The following MYRIP variants were observed in gnomAD, a reference collection of about 807,000 sequenced individuals.
The protein encoded by MYRIP is rab effector MyRIP.
A neutral mutation model predicts 98.0 loss-of-function variants in MYRIP; 49 were observed. That is an observed-to-expected ratio of 0.50 (90% CI 0.40 to 0.63). The LOEUF (loss-of-function observed/expected upper bound fraction) is 0.63. MYRIP is among the 30% of genes least tolerant of loss of function. MYRIP has a pLI of 0.00. For missense variants in MYRIP, 1,004 were observed against 1,058.2 expected (o/e 0.95, Z 0.71); for synonymous variants, 404 against 409.5 (o/e 0.99, Z 0.16).
At chr3:40,174,011 A>T (rs1950689213) in intron 8 of MYRIP, 1 of 152,210 alleles carries the variant, frequency 6.6e-6, no homozygotes, top group African/African-American at 2.4e-5. Context: ...TGAATGTAAC[A>T]TATGTTTTGA....
At chr3:39,846,001 AG>A (rs1220613407) in intron 1 of MYRIP, among the ~76,000 whole-genome samples, 7 of 152,220 alleles carry the variant, frequency 4.6e-5, no homozygotes, top group African/African-American at 1.7e-4. Flanking sequence ...TAGAACTTGC[AG>A]ATCAAATATA....
chr3:40,165,914 C>T (rs937056713), intron 5 of MYRIP, among the ~76,000 whole-genome samples: 1 of 151,970 alleles, frequency 6.6e-6, no homozygotes, highest in Non-Finnish European at 1.5e-5. Flanking sequence ...AATTGGAATC[C>T]AGCTGGATTC....
At chr3:40,162,652 A>T in intron 4 of MYRIP, 78 bp from the exon 5 acceptor site, 1 of 1,280,458 alleles carries the variant, frequency 7.8e-7, no homozygotes, top group East Asian at 2.3e-5. Flanking sequence ...CTGCCAGTTC[A>T]GTGACACAGT....
In MYRIP at chr3:40,167,068, C is replaced by T; in HGVS notation, c.649-91C>T. 3 of 1,418,068 alleles carry T rather than the reference C, an allele frequency of 2.1e-6. No homozygotes were observed. In the South Asian group the frequency reaches 3.5e-5, roughly 16 times the overall value. 87.8% of individuals were successfully genotyped at this position (1,418,068 alleles called of 1,614,324 possible). Reference sequence around the variant, plus strand: ...CTCTGACTAGAGCAAGGCCCTCCCTCTGCTTTTGTGGTCAGGACTCTCCTG... The same window carrying T: ...CTCTGACTAGAGCAAGGCCCTCCCTTTGCTTTTGTGGTCAGGACTCTCCTG... On this transcript the variant is annotated intron_variant, in intron 6 of 16. Coordinates refer to ENST00000302541, the MANE Select transcript of MYRIP (RefSeq NM_015460.4).
At chr3:40,033,929 C>A (rs1016667848) in intron 2 of MYRIP, among the ~76,000 whole-genome samples, 2 of 152,056 alleles carry the variant, frequency 1.3e-5, no homozygotes, top group African/African-American at 4.8e-5. Context: ...ATATCTACAA[C>A]TATCTGATCT....
chr3:40,188,385 A>G (rs1214131805), intron 9 of MYRIP, among the ~76,000 whole-genome samples: 2 of 152,020 alleles, frequency 1.3e-5, no homozygotes, highest in Non-Finnish European at 2.9e-5. Context: ...GCCCCAAAGC[A>G]GATGTCCACA....
At chr3:40,037,297 G>A (rs1017061562) in intron 2 of MYRIP, among the ~76,000 whole-genome samples, 2 of 152,028 alleles carry the variant, frequency 1.3e-5, no homozygotes, top group Non-Finnish European at 2.9e-5. Flanking sequence ...TACACTGTCA[G>A]GGTAAAATTG....
At chr3:39,878,486 T>A (rs1159462615) in intron 1 of MYRIP, among the ~76,000 whole-genome samples, 3 of 152,152 alleles carry the variant, frequency 2.0e-5, no homozygotes, top group African/African-American at 7.2e-5. Context: ...TCGGCCATCT[T>A]AGGTCTGATT....
chr3:39,898,166 A>G (rs1943658896), intron 1 of MYRIP, among the ~76,000 whole-genome samples: 1 of 152,154 alleles, frequency 6.6e-6, no homozygotes, highest in Non-Finnish European at 1.5e-5. Context: ...ACTGAAACCT[A>G]GTGCAAGTAC....
At chr3:40,226,413 C>T (rs370054244) in intron 11 of MYRIP, among the ~76,000 whole-genome samples, 29 of 152,272 alleles carry the variant, frequency 1.9e-4, no homozygotes, top group East Asian at 1.4e-3. Context: ...ACCTTATATG[C>T]TTTTATCCCT....
chr3:39,831,826 C>T (rs1315802355), intron 1 of MYRIP, among the ~76,000 whole-genome samples: 1 of 152,186 alleles, frequency 6.6e-6, no homozygotes, highest in Middle Eastern at 3.2e-3. Flanking sequence ...TCAATAGCCA[C>T]CTATGGCTGG....
chr3:39,965,128 T>C (rs914294149), intron 2 of MYRIP, among the ~76,000 whole-genome samples: 3 of 152,082 alleles, frequency 2.0e-5, no homozygotes, highest in Non-Finnish European at 4.4e-5. Context: ...CCATAAATTT[T>C]CACAAATGCA....
intron 2 of MYRIP, among the ~76,000 whole-genome samples, chr3:40,037,808 C>A (rs564570990): frequency 6.6e-6 from 1 of 152,062 alleles, no homozygotes; most frequent in Non-Finnish European, 1.5e-5. Context: ...TGCCTACCCC[C>A]CTTCCTGTTT....
intron 2 of MYRIP, among the ~76,000 whole-genome samples, chr3:39,952,019 A>G (rs1400715881): frequency 6.6e-6 from 1 of 152,138 alleles, no homozygotes; most frequent in Non-Finnish European, 1.5e-5. Context: ...TATTTTCACT[A>G]TCCTCAAAAG....
chr3:40,161,078 A>T (rs749797691), intron 4 of MYRIP, among the ~76,000 whole-genome samples: 53 of 152,274 alleles, frequency 3.5e-4, no homozygotes, highest in African/African-American at 1.2e-3. Flanking sequence ...CTGTTGCTTC[A>T]TCTGGGATTT....
In MYRIP at chr3:40,234,032, G is replaced by C. The variant is rs749797124; in HGVS notation, c.2079G>C (p.Gln693His). The C allele has an allele frequency of 2.5e-6, 4 of 1,604,646 alleles. No individual in the cohort carries two copies. Among genetic ancestry groups the C allele is most frequent in the African/African-American group, 2.7e-5 (2 of 74,430 alleles). The stretch of plus-strand genomic sequence containing the variant: ...CAGACCAAGTGAGACTGGATGAGCA[G>C]CTGACTTCCCTGGAAGAAAATGTAA... ...RGTDQVRLDE[Q>H]LTSLEENVYL... is the part of the protein sequence containing the mutation. Residue 693 changes from glutamine (Q) to histidine (H), a missense_variant, in exon 12 of 17, where the codon CAG (glutamine) becomes CAC (histidine). Around this residue, in one of 3 missense-constraint regions of MYRIP, gnomAD observed 880 missense variants for 907.7 expected, o/e 0.97. Transcript: ENST00000302541.
At chr3:39,977,480 C>T (rs2125754451) in intron 2 of MYRIP, among the ~76,000 whole-genome samples, 1 of 152,282 alleles carries the variant, frequency 6.6e-6, no homozygotes, top group South Asian at 2.1e-4. Flanking sequence ...GCATTCCCAA[C>T]CTGATGTTTG....
At chr3:40,154,835 A>G (rs1950188876) in intron 4 of MYRIP, among the ~76,000 whole-genome samples, 1 of 152,210 alleles carries the variant, frequency 6.6e-6, no homozygotes, top group Admixed American at 6.5e-5. Context: ...AAGAAGCACT[A>G]CATGAAAAAG....
At chr3:39,828,113 C>T (rs563494670) in intron 1 of MYRIP, among the ~76,000 whole-genome samples, 5 of 151,946 alleles carry the variant, frequency 3.3e-5, no homozygotes, top group Admixed American at 6.6e-5. Context: ...TTCTAGGTGT[C>T]GATGTCTATC....
Sources: gnomAD v4.1 joint callset for allele counts (sites outside exome capture counted in the v4.1 genomes callset) on GRCh38, gnomAD v4.1.1 for gene constraint, gnomAD v4.1.1 regional missense constraint, MANE v1.5 for transcripts, NCBI Gene and HGNC (gene_info 2026-07-23, HGNC 2026-07-21) for gene names.